Variants in SPIDR observed in about 807,000 individuals in gnomAD.
SPIDR encodes scaffold protein involved in DNA repair, also known as DNA repair-scaffolding protein.
Under a neutral mutation model 104.6 loss-of-function variants are expected in SPIDR, and 93 were observed. The observed-to-expected ratio is 0.89, with a 90% CI of 0.75 to 1.06. The LOEUF (loss-of-function observed/expected upper bound fraction) is 1.06, where lower values mean the gene tolerates loss of function less well. SPIDR is among the 50% of genes least tolerant of loss of function. SPIDR has a pLI of 0.00. For missense variants in SPIDR, 1,154 were observed against 1,111.2 expected (o/e 1.04, Z -0.55); for synonymous variants, 431 against 416.9 (o/e 1.03, Z -0.41).
chr8:47,718,093 C>T (rs1289251068), intron 16 of SPIDR, among the ~76,000 whole-genome samples: 2 of 152,196 alleles, frequency 1.3e-5, no homozygotes, highest in African/African-American at 4.8e-5. Flanking sequence ...TGTATCCAGT[C>T]CACCCAAGCC....
intron 1 of SPIDR, among the ~76,000 whole-genome samples, chr8:47,275,610 T>C (rs1335549451): frequency 6.6e-6 from 1 of 152,210 alleles, no homozygotes; most frequent in Non-Finnish European, 1.5e-5. Flanking sequence ...TATTTTATTA[T>C]TTTAAATAAA....
At chr8:47,484,048 C>G (rs1244470504) in intron 8 of SPIDR, among the ~76,000 whole-genome samples, 1 of 152,036 alleles carries the variant, frequency 6.6e-6, no homozygotes, top group African/African-American at 2.4e-5. Context: ...TTGTCTATTT[C>G]CAGAGTAATT....
chr8:47,583,437 T>A (rs1046776579), intron 8 of SPIDR, among the ~76,000 whole-genome samples: 1 of 152,224 alleles, frequency 6.6e-6, no homozygotes, highest in Non-Finnish European at 1.5e-5. Context: ...CAGTTCAATC[T>A]TCACAAAAGC....
chr8:47,262,638 C>CG (rs1288747011), intron 1 of SPIDR, among the ~76,000 whole-genome samples: 1 of 152,158 alleles, frequency 6.6e-6, no homozygotes, highest in Non-Finnish European at 1.5e-5. Context: ...TATCGGTCCC[C>CG]GTGTCTTTTA....
chr8:47,654,789 A>G (rs1004073102), intron 10 of SPIDR, among the ~76,000 whole-genome samples: 1 of 152,084 alleles, frequency 6.6e-6, no homozygotes, highest in Non-Finnish European at 1.5e-5. Context: ...GGTTTGTTAC[A>G]TATGTATACA....
chr8:47,723,225 T>C (rs2083669614), intron 16 of SPIDR, among the ~76,000 whole-genome samples: 1 of 152,154 alleles, frequency 6.6e-6, no homozygotes, highest in Admixed American at 6.5e-5. Context: ...ACTCCGATAG[T>C]CTCTGTCATT....
intron 8 of SPIDR, among the ~76,000 whole-genome samples, chr8:47,559,322 G>A (rs1008911221): frequency 6.6e-6 from 1 of 152,174 alleles, no homozygotes; most frequent in Non-Finnish European, 1.5e-5. Context: ...GTATATACCA[G>A]TGTGCCCTCT....
At chr8:47,400,802 G>A (rs2154316146) in intron 6 of SPIDR, among the ~76,000 whole-genome samples, 1 of 151,774 alleles carries the variant, frequency 6.6e-6, no homozygotes, top group East Asian at 1.9e-4. Flanking sequence ...CCAGTTTGAT[G>A]GTCAAGTTGT....
intron 8 of SPIDR, among the ~76,000 whole-genome samples, chr8:47,543,290 ATG>A (rs2088606083): frequency 6.6e-6 from 1 of 152,164 alleles, no homozygotes; most frequent in Non-Finnish European, 1.5e-5. Flanking sequence ...GCCACGAGTA[ATG>A]TGTGAGTGAT....
chr8:47,345,105 T>G (rs1316400033), intron 5 of SPIDR, among the ~76,000 whole-genome samples: 2 of 152,254 alleles, frequency 1.3e-5, no homozygotes, highest in African/African-American at 2.4e-5. Flanking sequence ...GGTCTAACAT[T>G]TAAGTCTTTA....
intron 5 of SPIDR, among the ~76,000 whole-genome samples, chr8:47,379,737 A>G (rs2059102172): frequency 6.6e-6 from 1 of 152,120 alleles, no homozygotes; most frequent in Non-Finnish European, 1.5e-5. Flanking sequence ...AGGCCTGTTT[A>G]ACTTTATTCA....
intron 16 of SPIDR, among the ~76,000 whole-genome samples, chr8:47,716,632 ACATCT>A (rs1020597541): frequency 6.6e-5 from 10 of 152,084 alleles, no homozygotes; most frequent in Non-Finnish European, 1.5e-4. Context: ...GAGAAAACAG[ACATCT>A]CAGTACTGGT....
chr8:47,282,392 G>A (rs1586292305), intron 2 of SPIDR, among the ~76,000 whole-genome samples: 1 of 152,362 alleles, frequency 6.6e-6, no homozygotes, highest in African/African-American at 2.4e-5. Context: ...TATATTGAAA[G>A]TCTGTTTTTT....
At chr8:47,648,030 A>C (rs932214714) in intron 10 of SPIDR, among the ~76,000 whole-genome samples, 6 of 152,192 alleles carry the variant, frequency 3.9e-5, no homozygotes, top group Non-Finnish European at 7.3e-5. Context: ...AGGCCTTTGG[A>C]TTTTATTCCA....
chr8:47,578,750 TG>T (rs2059404420), intron 8 of SPIDR, among the ~76,000 whole-genome samples: 1 of 152,194 alleles, frequency 6.6e-6, no homozygotes, highest in Admixed American at 6.6e-5. Flanking sequence ...ATATAAAATA[TG>T]GTCTGTTCCT....
At chr8:47,658,126 TACG>T (rs2073265568) in intron 10 of SPIDR, among the ~76,000 whole-genome samples, 1 of 151,648 alleles carries the variant, frequency 6.6e-6, no homozygotes, top group Non-Finnish European at 1.5e-5. Flanking sequence ...TATCAAATTA[TACG>T]ACGTCTTGGC....
intron 5 of SPIDR, among the ~76,000 whole-genome samples, chr8:47,331,848 C>T (rs2154268374): frequency 6.6e-6 from 1 of 151,488 alleles, no homozygotes; most frequent in South Asian, 2.1e-4. Context: ...TATTGTTCAG[C>T]TGTACAGAAG....
At chr8:47,652,538 C>T (rs181687879) in intron 10 of SPIDR, among the ~76,000 whole-genome samples, 1 of 152,162 alleles carries the variant, frequency 6.6e-6, no homozygotes, top group Non-Finnish European at 1.5e-5. Flanking sequence ...CTAAAAGTGG[C>T]CATTGTCTGC....
intron 5 of SPIDR, among the ~76,000 whole-genome samples, chr8:47,394,834 G>A (rs1250021288): frequency 2.6e-5 from 4 of 152,162 alleles, no homozygotes; most frequent in Admixed American, 6.5e-5. Flanking sequence ...TCTCTCTTGT[G>A]AGGCAGATCT....
Sources: gnomAD v4.1 joint callset for allele counts (sites outside exome capture counted in the v4.1 genomes callset) on GRCh38, gnomAD v4.1.1 for gene constraint, MANE v1.5 for transcripts, NCBI Gene and HGNC (gene_info 2026-07-23, HGNC 2026-07-21) for gene names.